Variants in PKIB observed in about 807,000 individuals in gnomAD.
The protein encoded by PKIB is cAMP-dependent protein kinase inhibitor beta.
A neutral mutation model predicts 4.5 loss-of-function variants in PKIB; 2 were observed. The observed-to-expected ratio is 0.44, with a 90% CI of 0.18 to 1.39. The LOEUF (loss-of-function observed/expected upper bound fraction) is 1.39, where lower values mean the gene tolerates loss of function less well. Among genes scored for constraint, PKIB ranks in the 40% most tolerant of loss-of-function variants. The pLI is 0.27. For missense variants in PKIB, 94 were observed against 92.6 expected (o/e 1.02, Z -0.06); for synonymous variants, 38 against 36.0 (o/e 1.06, Z -0.20).
chr6:122,545,114 T>A (rs776645026), intron 2 of PKIB, among the ~76,000 whole-genome samples: 1 of 152,030 alleles, frequency 6.6e-6, no homozygotes, highest in East Asian at 1.9e-4. Context: ...AGAATTAACA[T>A]TTAACCCAAG....
intron 1 of PKIB, among the ~76,000 whole-genome samples, chr6:122,612,330 T>C (rs1407560397): frequency 6.6e-6 from 1 of 152,184 alleles, no homozygotes; most frequent in African/African-American, 2.4e-5. Flanking sequence ...TTGTTAATTT[T>C]CTAAAAGTTG....
chr6:122,570,549 C>G (rs1479479562), intron 2 of PKIB, among the ~76,000 whole-genome samples: 3 of 152,134 alleles, frequency 2.0e-5, no homozygotes, highest in Non-Finnish European at 4.4e-5. Flanking sequence ...CCATATGAGA[C>G]AGTGAACTTG....
intron 2 of PKIB, among the ~76,000 whole-genome samples, chr6:122,541,505 T>C (rs1160599137): frequency 6.6e-6 from 1 of 152,052 alleles, no homozygotes; most frequent in East Asian, 1.9e-4. Flanking sequence ...ATGTTGAATA[T>C]TGGCCCCCAC....
At chr6:122,472,749 A>G (rs6929538) in intron 1 of PKIB, among the ~76,000 whole-genome samples, 20,409 of 152,210 alleles carry the variant, frequency 0.13, 1,462 homozygotes, top group East Asian at 0.21. Flanking sequence ...CTAAGGGACA[A>G]TCTTGCTTTA....
chr6:122,543,899 G>A (rs1487230482), intron 2 of PKIB, among the ~76,000 whole-genome samples: 1 of 151,896 alleles, frequency 6.6e-6, no homozygotes, highest in African/African-American at 2.4e-5. Flanking sequence ...TTGAATATCT[G>A]TTACAGGCCT....
At chr6:122,542,077 C>T (rs1391666144) in intron 2 of PKIB, among the ~76,000 whole-genome samples, 1 of 151,922 alleles carries the variant, frequency 6.6e-6, no homozygotes, top group Non-Finnish European at 1.5e-5. Context: ...TCTAGTTATC[C>T]ATTTGTCTAA....
chr6:122,604,120 A>T (rs1774456825), intron 3 of PKIB, among the ~76,000 whole-genome samples: 1 of 152,232 alleles, frequency 6.6e-6, no homozygotes, highest in Non-Finnish European at 1.5e-5. Flanking sequence ...ACTGGTCCTG[A>T]AACATTCAGA....
chr6:122,590,670 T>C (rs1328082290), intron 3 of PKIB, among the ~76,000 whole-genome samples: 4 of 152,124 alleles, frequency 2.6e-5, no homozygotes, highest in South Asian at 2.1e-4. Context: ...ACCAAAGATA[T>C]GAGAATTTTA....
At chr6:122,549,794 TTA>T (rs1772615024) in intron 2 of PKIB, among the ~76,000 whole-genome samples, 2 of 149,376 alleles carry the variant, frequency 1.3e-5, no homozygotes, top group South Asian at 2.1e-4. Flanking sequence ...TTTCTTCCTT[TTA>T]TGTTACCATA....
At chr6:122,487,787 G>A (rs1390233087) in intron 2 of PKIB, among the ~76,000 whole-genome samples, 1 of 152,118 alleles carries the variant, frequency 6.6e-6, no homozygotes, top group African/African-American at 2.4e-5. Flanking sequence ...CCCAATTTAA[G>A]GTTTTTAGTT....
chr6:122,618,650 A>T (rs1775090947), intron 1 of PKIB, among the ~76,000 whole-genome samples: 1 of 152,020 alleles, frequency 6.6e-6, no homozygotes, highest in Non-Finnish European at 1.5e-5. Flanking sequence ...CCTGTTTCCC[A>T]CTTAATAAAT....
intron 1 of PKIB, among the ~76,000 whole-genome samples, chr6:122,623,134 T>A (rs1245074320): frequency 1.3e-5 from 2 of 152,236 alleles, no homozygotes; most frequent in African/African-American, 4.8e-5. Flanking sequence ...TTTGATTTAA[T>A]ATCGATAAAA....
intron 2 of PKIB, among the ~76,000 whole-genome samples, chr6:122,662,501 G>A (rs1160106801): frequency 2.0e-5 from 3 of 150,610 alleles, no homozygotes; most frequent in Middle Eastern, 6.8e-3. Flanking sequence ...TGTATTTTTA[G>A]TAGAGACAGG....
At chr6:122,647,684 G>C (rs1776381154) in intron 2 of PKIB, among the ~76,000 whole-genome samples, 1 of 152,168 alleles carries the variant, frequency 6.6e-6, no homozygotes, top group Non-Finnish European at 1.5e-5. Flanking sequence ...AATGACAAAA[G>C]AGGAAAGAAA....
intron 2 of PKIB, among the ~76,000 whole-genome samples, chr6:122,533,503 A>G (rs547455291): frequency 6.6e-6 from 1 of 152,308 alleles, no homozygotes; most frequent in South Asian, 2.1e-4. Flanking sequence ...TAAGTAATGT[A>G]TATAAAATAA....
At chr6:122,638,727 C>A (rs1776021436) in intron 2 of PKIB, among the ~76,000 whole-genome samples, 1 of 152,172 alleles carries the variant, frequency 6.6e-6, no homozygotes, top group Non-Finnish European at 1.5e-5. Flanking sequence ...TACACAAGGA[C>A]TGGGACTGTT....
chr6:122,715,761 G>A (rs1432808496), intron 3 of PKIB, among the ~76,000 whole-genome samples: 1 of 151,028 alleles, frequency 6.6e-6, no homozygotes, highest in Non-Finnish European at 1.5e-5. Flanking sequence ...AATAATAAAG[G>A]CAGAATCTAA....
chr6:122,541,689 T>C (rs1777609301), intron 2 of PKIB, among the ~76,000 whole-genome samples: 1 of 151,920 alleles, frequency 6.6e-6, no homozygotes, highest in Non-Finnish European at 1.5e-5. Flanking sequence ...AGGAGTATCT[T>C]TGTGGCGTTC....
At chr6:122,604,771 C>T (rs1035129401) in intron 3 of PKIB, among the ~76,000 whole-genome samples, 1 of 152,154 alleles carries the variant, frequency 6.6e-6, no homozygotes, top group Non-Finnish European at 1.5e-5. Context: ...GATCAGAACC[C>T]AACATTTTCT....
Sources: gnomAD v4.1 joint callset for allele counts (sites outside exome capture counted in the v4.1 genomes callset) on GRCh38, gnomAD v4.1.1 for gene constraint, MANE v1.5 for transcripts, NCBI Gene and HGNC (gene_info 2026-07-23, HGNC 2026-07-21) for gene names.